TMEM170A: variants seen among roughly 807,000 people sequenced by gnomAD.
TMEM170A encodes the protein transmembrane protein 170.
TMEM170A carries 18 observed loss-of-function variants against 12.8 expected under a neutral mutation model. That is an observed-to-expected ratio of 1.41 (90% CI 0.97 to 2.09). The LOEUF is 2.09. Ranked by LOEUF, TMEM170A falls within the 30% of genes most tolerant of loss-of-function variation. The probability of loss-of-function intolerance (pLI) is 0.00; values close to 1 mark genes in which losing one functional copy is unlikely to be tolerated. For synonymous variants in TMEM170A, 107 were observed against 76.2 expected (o/e 1.40, Z -2.11); for missense variants, 220 against 179.9 (o/e 1.22, Z -1.28).
rs984500186 is a variant in TMEM170A at position 75,445,786 on chromosome 16, G to C, written c.*1772C>G. On this transcript the variant is annotated 3_prime_UTR_variant, in exon 3 of 3. Transcript: ENST00000561878. ...CCTGGCTATTTTTAATCAGAAGCCA[G>C]AGTGTGTATTGCTTTAAATGGAATA... is the stretch of plus-strand genomic sequence containing the variant. 6.6e-6 allele frequency: 1 copy of C among 151,754 alleles called. No homozygotes were observed. The highest frequency in any genetic ancestry group is 2.4e-5 in the African/African-American group (1 of 41,260). The allele number at this position is 151,754 out of a possible 1,614,324, so 9.4% of individuals were successfully genotyped here. A position where few individuals can be genotyped will look rare whatever the true frequency, so the allele number is the denominator to read the frequency against.
intron 1 of TMEM170A, among the ~76,000 whole-genome samples, chr16:75,454,361 G>C (rs1210094709): frequency 6.6e-6 from 1 of 152,166 alleles, no homozygotes; most frequent in Non-Finnish European, 1.5e-5. Context: ...GCTCACACCT[G>C]TAATCCCACC....
chr16:75,453,076 CA>C (rs1260494987), intron 1 of TMEM170A, among the ~76,000 whole-genome samples: 16 of 152,064 alleles, frequency 1.1e-4, no homozygotes, highest in African/African-American at 3.1e-4. Flanking sequence ...AAAAGCTGAC[CA>C]ATCTCTGTAC....
At chr16:75,456,780 C>T (rs538475783) in intron 1 of TMEM170A, among the ~76,000 whole-genome samples, 1 of 152,186 alleles carries the variant, frequency 6.6e-6, no homozygotes, top group Admixed American at 6.5e-5. Context: ...ACAAATCTCT[C>T]CTGCCTGGGC....
At chr16:75,464,309 A>T (rs1400620902) in intron 1 of TMEM170A, 159 bp downstream of exon 1, 1 of 1,468,468 alleles carries the variant, frequency 6.8e-7, no homozygotes, top group African/African-American at 1.5e-5. Flanking sequence ...AGTGATGGGG[A>T]AAGGGGCTCC....
Position 75,446,841 on chromosome 16 carries a change from A to G in TMEM170A, c.*717T>C, listed in dbSNP as rs906447292. 3 of 152,188 alleles carry G rather than the reference A, an allele frequency of 2.0e-5. No homozygotes were observed. Among genetic ancestry groups the G allele is most frequent in the Admixed American group, 6.5e-5 (1 of 15,278 alleles). The allele number at this position is 152,188 out of a possible 1,614,324, so 9.4% of individuals were successfully genotyped here. On this transcript the variant is annotated 3_prime_UTR_variant, in exon 3 of 3. Transcript: ENST00000561878. ...AGGGAAAGGTGGTACAGAAAATCTA[A>G]AAAGTCTAAATTAGCTAGCTTATTT...
At chr16:75,447,732 G>C (rs1229585959) in intron 2 of TMEM170A, 44 bp from the exon 3 acceptor site, 3 of 1,554,888 alleles carry the variant, frequency 1.9e-6, no homozygotes, top group Non-Finnish European at 2.6e-6. Context: ...AAAAAACGAA[G>C]GTTAACAAAC....
At chr16:75,463,663 T>G (rs1397322300) in intron 1 of TMEM170A, among the ~76,000 whole-genome samples, 1 of 152,232 alleles carries the variant, frequency 6.6e-6, no homozygotes, top group Non-Finnish European at 1.5e-5. Flanking sequence ...GGCTCTAGTC[T>G]TCTTGCCTTT....
chr16:75,451,526 G>A (rs111920691), intron 2 of TMEM170A, 143 bp downstream of exon 2: 20 of 818,994 alleles, frequency 2.4e-5, no homozygotes, highest in African/African-American at 1.0e-4. Context: ...CTCCGGCCTT[G>A]GTGACATAGG....
At chr16:75,464,199 T>A in intron 1 of TMEM170A, 1 of 1,503,026 alleles carries the variant, frequency 6.7e-7, no homozygotes, top group Non-Finnish European at 8.8e-7. Context: ...CCCGCTCGGG[T>A]GGCGGCCGAG....
intron 1 of TMEM170A, chr16:75,459,856 CA>C (rs35740034): frequency 2.4e-3 from 338 of 140,112 alleles, no homozygotes; most frequent in Middle Eastern, 7.1e-3. Context: ...AACTCCATCT[CA>C]AAAAAAAAAA....
chr16:75,444,049 C>CT lies in TMEM170A; in HGVS notation c.*3508dup, dbSNP rs1179863627. On this transcript the variant is annotated 3_prime_UTR_variant, in exon 3 of 3. Transcript: ENST00000561878. ...GCTGCAGTGAGCTGAGACCATGCCA[C>CT]TGCACTCCAGCCTTGGAGACAGAGC... 6.6e-6 allele frequency: 1 copy of CT among 151,698 alleles called. No individual in the cohort carries two copies. 9.4% of individuals were successfully genotyped at this position (151,698 alleles called of 1,614,324 possible).
In TMEM170A at chr16:75,464,206, C is replaced by G. The variant is rs549185452; in HGVS notation, c.133+262G>C. On this transcript the variant is annotated intron_variant, in intron 1 of 2. Coordinates refer to ENST00000561878, the MANE Select transcript of TMEM170A (RefSeq NM_145254.3). ...GGCCAAGACCCGCTCGGGTGGCGGCCGAGCGCCCTCCAGCCCCGGGCCCAC... is the reference window on the plus strand; with the variant it reads ...GGCCAAGACCCGCTCGGGTGGCGGCGGAGCGCCCTCCAGCCCCGGGCCCAC... 2.9e-4 allele frequency: 434 copies of G among 1,506,014 alleles called. 8 individuals carry two copies. The South Asian group carries it at 5.1e-3, about 18-fold the overall frequency. The allele number at this position is 1,506,014 out of a possible 1,614,324, so 93.3% of individuals were successfully genotyped here. A position where few individuals can be genotyped will look rare whatever the true frequency, so the allele number is the denominator to read the frequency against.
At chr16:75,451,429 G>C in intron 2 of TMEM170A, 1 of 600,372 alleles carries the variant, frequency 1.7e-6, no homozygotes, top group Non-Finnish European at 3.0e-6. Flanking sequence ...CACCCCTGTA[G>C]TCCAAGCTTC....
At chr16:75,460,352 T>C (rs577763573) in intron 1 of TMEM170A, among the ~76,000 whole-genome samples, 1 of 152,300 alleles carries the variant, frequency 6.6e-6, no homozygotes, top group South Asian at 2.1e-4. Context: ...ATCCCATCTC[T>C]GTTCAAAATT....
At chr16:75,451,228 T>G (rs957147190) in intron 2 of TMEM170A, among the ~76,000 whole-genome samples, 30 of 109,616 alleles carry the variant, frequency 2.7e-4, no homozygotes, top group African/African-American at 8.4e-4. Context: ...TAATAGGACC[T>G]TGGGGGTGGA....
chr16:75,462,923 T>G (rs773010878), intron 1 of TMEM170A, among the ~76,000 whole-genome samples: 2 of 152,214 alleles, frequency 1.3e-5, no homozygotes. Context: ...AGATACATGT[T>G]AAGATTATCA....
chr16:75,457,317 G>A (rs1268247577), intron 1 of TMEM170A, among the ~76,000 whole-genome samples: 1 of 152,202 alleles, frequency 6.6e-6, no homozygotes, highest in Non-Finnish European at 1.5e-5. Context: ...CAGGAAAGCA[G>A]GTTGGAACAC....
At chr16:75,456,240 T>C (rs544892237) in intron 1 of TMEM170A, among the ~76,000 whole-genome samples, 20 of 152,238 alleles carry the variant, frequency 1.3e-4, no homozygotes, top group African/African-American at 4.8e-4. Context: ...TTTGGATAAA[T>C]GGTTCTCGGT....
rs1390113506 is a variant in TMEM170A at position 75,445,713 on chromosome 16, T to TC, written c.*1844dup. The TC allele has an allele frequency of 2.0e-5, 3 of 151,846 alleles. No individual in the cohort carries two copies. Among genetic ancestry groups the TC allele is most frequent in the East Asian group, 3.9e-4 (2 of 5,192 alleles). The allele number at this position is 151,846 out of a possible 1,614,324, so 9.4% of individuals were successfully genotyped here. A position where few individuals can be genotyped will look rare whatever the true frequency, so the allele number is the denominator to read the frequency against. On this transcript the variant is annotated 3_prime_UTR_variant, in exon 3 of 3. Coordinates refer to ENST00000561878, the MANE Select transcript of TMEM170A (RefSeq NM_145254.3). ...CTGACTTTTTTCTTTTTTTTTTTTT[T>TC]CCAAATTGGGCAGACTCCAGAATCA...
Sources: gnomAD v4.1 joint callset for allele counts (sites outside exome capture counted in the v4.1 genomes callset) on GRCh38, gnomAD v4.1.1 for gene constraint, MANE v1.5 for transcripts, NCBI Gene and HGNC (gene_info 2026-07-23, HGNC 2026-07-21) for gene names.